Variants in ARHGAP24 observed in about 807,000 individuals in gnomAD.
The protein encoded by ARHGAP24 is Rho GTPase activating protein 24.
Under a neutral mutation model 76.4 loss-of-function variants are expected in ARHGAP24, and 50 were observed. The ratio of observed to expected loss-of-function variants is 0.65; its 90% confidence interval spans 0.52 to 0.83. The LOEUF is 0.83. Among genes scored for constraint, ARHGAP24 ranks in the 40% least tolerant of loss-of-function variants. The probability of loss-of-function intolerance (pLI) is 0.00; values close to 1 mark genes in which losing one functional copy is unlikely to be tolerated. For synonymous variants in ARHGAP24, 345 were observed against 323.3 expected, an observed-to-expected ratio of 1.07 and a Z score of -0.72; for missense variants, 930 against 914.2, an observed-to-expected ratio of 1.02 and a Z score of -0.22.
intron 3 of ARHGAP24, among the ~76,000 whole-genome samples, chr4:85,850,050 A>G (rs1005556650): frequency 3.3e-5 from 5 of 152,208 alleles, no homozygotes; most frequent in Admixed American, 6.5e-5. Flanking sequence ...TACCTCTGGT[A>G]GAATTCGGCT....
At position 85,689,352 on chromosome 4, in the gene ARHGAP24, G is replaced by A. The variant is rs532282507; in HGVS notation, c.181-32533G>A. 1.1e-4 allele frequency among the ~76,000 whole-genome samples: 16 copies of A among 152,210 alleles called. No individual in the cohort carries two copies. The East Asian group carries it at 2.7e-3, about 26-fold the overall frequency. On this transcript the variant is annotated intron_variant, in intron 2 of 9. Transcript: ENST00000395184. Reference sequence around the variant, plus strand: ...TCTTGATTTGATGCTCAGCCTGGATGTTGTTGCTGGATAGAAATGCTAGTG... The same window carrying A: ...TCTTGATTTGATGCTCAGCCTGGATATTGTTGCTGGATAGAAATGCTAGTG...
chr4:85,828,618 G>C (rs977082866), intron 3 of ARHGAP24, among the ~76,000 whole-genome samples: 3 of 151,566 alleles, frequency 2.0e-5, no homozygotes, highest in Non-Finnish European at 4.4e-5. Flanking sequence ...TTTGTTATCC[G>C]CATATTTGAA....
chr4:85,688,237 T>A (rs1303029354), intron 2 of ARHGAP24, among the ~76,000 whole-genome samples: 2 of 152,220 alleles, frequency 1.3e-5, no homozygotes, highest in Admixed American at 6.5e-5. Context: ...GAGCATCTGT[T>A]ATTTTTTGAC....
intron 3 of ARHGAP24, among the ~76,000 whole-genome samples, chr4:85,787,520 C>T (rs1050463883): frequency 1.3e-5 from 2 of 151,412 alleles, no homozygotes; most frequent in Admixed American, 6.6e-5. Flanking sequence ...AGGGATAATT[C>T]AAAAAAAAGT....
intron 1 of ARHGAP24, among the ~76,000 whole-genome samples, chr4:85,541,141 C>CA (rs1725671957): frequency 9.9e-6 from 1 of 101,200 alleles, no homozygotes; most frequent in Admixed American, 1.2e-4. Flanking sequence ...GCATCCATGA[C>CA]CTTTTTTTTT....
At chr4:85,643,234 GTTTTTT>G (rs70948741) in intron 2 of ARHGAP24, among the ~76,000 whole-genome samples, 13 of 54,626 alleles carry the variant, frequency 2.4e-4, no homozygotes, top group Admixed American at 7.1e-4. Context: ...GTTTTTTTGT[GTTTTTT>G]TTTTTTTTTT....
chr4:85,576,356 G>A (rs1243950309), intron 2 of ARHGAP24, among the ~76,000 whole-genome samples: 1 of 152,062 alleles, frequency 6.6e-6, no homozygotes. Flanking sequence ...CGCGAACCCG[G>A]GAGGCGGAGC....
intron 1 of ARHGAP24, among the ~76,000 whole-genome samples, chr4:85,540,659 G>A (rs1036344340): frequency 6.6e-6 from 1 of 151,806 alleles, no homozygotes; most frequent in Non-Finnish European, 1.5e-5. Flanking sequence ...TTTTCTTCAC[G>A]CCAGAAATTT....
At chr4:85,895,663 CT>C (rs1214043212) in intron 3 of ARHGAP24, among the ~76,000 whole-genome samples, 3 of 152,048 alleles carry the variant, frequency 2.0e-5, no homozygotes, top group Admixed American at 1.3e-4. Flanking sequence ...TTCAGTCTGA[CT>C]TTTTTCTGTA....
chr4:85,817,033 T>C (rs1560648893), intron 3 of ARHGAP24, among the ~76,000 whole-genome samples: 1 of 152,204 alleles, frequency 6.6e-6, no homozygotes, highest in Non-Finnish European at 1.5e-5. Context: ...GTTGAATATC[T>C]TTTCATATAT....
At chr4:85,769,485 AAGAT>A (rs1727049190) in intron 3 of ARHGAP24, among the ~76,000 whole-genome samples, 2 of 152,178 alleles carry the variant, frequency 1.3e-5, no homozygotes, top group Admixed American at 1.3e-4. Context: ...GGAATAAAGA[AAGAT>A]AATGTTTTCT....
intron 3 of ARHGAP24, among the ~76,000 whole-genome samples, chr4:85,864,635 G>A (rs891877664): frequency 6.6e-6 from 1 of 150,722 alleles, no homozygotes; most frequent in African/African-American, 2.4e-5. Context: ...TAAATGAATA[G>A]ACAAAATATA....
intron 3 of ARHGAP24, among the ~76,000 whole-genome samples, chr4:85,793,114 T>G (rs1203864772): frequency 1.3e-5 from 2 of 152,114 alleles, no homozygotes; most frequent in African/African-American, 4.8e-5. Flanking sequence ...AGGTCATAAA[T>G]GTTAAAGCAC....
intron 1 of ARHGAP24, among the ~76,000 whole-genome samples, chr4:85,481,210 T>G (rs531946801): frequency 6.6e-6 from 1 of 152,194 alleles, no homozygotes; most frequent in Non-Finnish European, 1.5e-5. Context: ...AATCCAGATA[T>G]TTTTATGACT....
intron 3 of ARHGAP24, among the ~76,000 whole-genome samples, chr4:85,907,590 T>C (rs1340762764): frequency 6.8e-6 from 1 of 146,958 alleles, no homozygotes; most frequent in East Asian, 2.2e-4. Flanking sequence ...TGTGTGTACA[T>C]ATGTGCTTGT....
intron 2 of ARHGAP24, among the ~76,000 whole-genome samples, chr4:85,680,691 A>G (rs905252799): frequency 1.4e-4 from 22 of 151,920 alleles, no homozygotes; most frequent in Non-Finnish European, 7.4e-5. Flanking sequence ...GGCAGAAATT[A>G]AATAAAAAAT....
intron 3 of ARHGAP24, among the ~76,000 whole-genome samples, chr4:85,842,838 C>T (rs1187977527): frequency 6.6e-6 from 1 of 152,200 alleles, no homozygotes; most frequent in Non-Finnish European, 1.5e-5. Context: ...CCAAATGCAT[C>T]GTGTAAGTTG....
intron 3 of ARHGAP24, among the ~76,000 whole-genome samples, chr4:85,803,568 A>G (rs1007245753): frequency 6.6e-6 from 1 of 152,112 alleles, no homozygotes; most frequent in Admixed American, 6.5e-5. Flanking sequence ...CTTATGTTTT[A>G]TGGGCCTGAA....
intron 3 of ARHGAP24, among the ~76,000 whole-genome samples, chr4:85,727,709 C>A (rs1046196584): frequency 6.6e-6 from 1 of 152,120 alleles, no homozygotes; most frequent in African/African-American, 2.4e-5. Flanking sequence ...AACCACCAAC[C>A]AACACACCTG....
Sources: allele counts gnomAD v4.1 joint callset (sites outside exome capture counted in the v4.1 genomes callset), GRCh38; gene constraint gnomAD v4.1.1; transcripts MANE v1.5; gene names NCBI Gene and HGNC (gene_info 2026-07-23, HGNC 2026-07-21).